The following PCLO variants were observed in gnomAD, a reference collection of about 807,000 sequenced individuals.
The protein encoded by PCLO is protein piccolo.
A neutral mutation model predicts 427.5 loss-of-function variants in PCLO; 82 were observed. The ratio of observed to expected loss-of-function variants is 0.19; its 90% confidence interval spans 0.16 to 0.23. PCLO has a LOEUF of 0.23. PCLO is among the 10% of genes least tolerant of loss of function. The probability of loss-of-function intolerance (pLI) is 1.00; values close to 1 mark genes in which losing one functional copy is unlikely to be tolerated. For missense variants in PCLO, 6,239 were observed against 6,115.9 expected, an observed-to-expected ratio of 1.02 and a Z score of -0.67; for synonymous variants, 2,357 against 2,155.4, an observed-to-expected ratio of 1.09 and a Z score of -2.59.
chr7:82,966,565 T>C, intron 3 of PCLO, 78 bp from the exon 4 acceptor site: 5 of 911,932 alleles, frequency 5.5e-6, no homozygotes, highest in Non-Finnish European at 7.8e-6. Context: ...AAAGTGAAAA[T>C]TTGGCAATTC....
intron 3 of PCLO, among the ~76,000 whole-genome samples, chr7:83,031,304 G>C (rs577995319): frequency 2.6e-5 from 4 of 152,100 alleles, no homozygotes; most frequent in Non-Finnish European, 4.4e-5. Flanking sequence ...AATAGGCAAC[G>C]GTACTTTTCC....
intron 9 of PCLO, among the ~76,000 whole-genome samples, chr7:82,897,825 A>G (rs1793943403): frequency 6.6e-6 from 1 of 151,396 alleles, no homozygotes; most frequent in Non-Finnish European, 1.5e-5. Context: ...AAAACATTTC[A>G]CTGCAGATAT....
chr7:82,795,591 G>C (rs10247544), intron 22 of PCLO, among the ~76,000 whole-genome samples: 7,924 of 152,112 alleles, frequency 0.052, 657 homozygotes, highest in African/African-American at 0.18. Context: ...TGTTAGATTA[G>C]CTATCTGTAG....
chr7:83,143,325 T>C (rs1251248354), intron 2 of PCLO, among the ~76,000 whole-genome samples: 1 of 152,202 alleles, frequency 6.6e-6, no homozygotes, highest in Non-Finnish European at 1.5e-5. Context: ...CTATTCATAT[T>C]CATGCATAAT....
chr7:82,846,000 C>G (rs77670326), intron 12 of PCLO, among the ~76,000 whole-genome samples: 5 of 151,700 alleles, frequency 3.3e-5, no homozygotes, highest in African/African-American at 1.2e-4. Flanking sequence ...AAGTGCTCAA[C>G]AAAATTTATT....
intron 3 of PCLO, among the ~76,000 whole-genome samples, chr7:83,122,447 A>C (rs921599119): frequency 3.3e-5 from 5 of 152,080 alleles, no homozygotes; most frequent in African/African-American, 1.2e-4. Flanking sequence ...CACCACGCCC[A>C]GCTAATTTTT....
chr7:83,080,944 TATA>T (rs1052768747), intron 3 of PCLO, among the ~76,000 whole-genome samples: 17 of 151,632 alleles, frequency 1.1e-4, no homozygotes, highest in South Asian at 2.1e-4. Flanking sequence ...TAAAAATAAT[TATA>T]ATAATATACT....
intron 22 of PCLO, among the ~76,000 whole-genome samples, chr7:82,762,157 T>C (rs1790445043): frequency 6.6e-6 from 1 of 152,040 alleles, no homozygotes; most frequent in East Asian, 1.9e-4. Context: ...GATATTTTCA[T>C]CAATAAATAT....
chr7:83,025,846 G>T (rs1788480574), intron 3 of PCLO, among the ~76,000 whole-genome samples: 1 of 151,912 alleles, frequency 6.6e-6, no homozygotes, highest in Admixed American at 6.6e-5. Flanking sequence ...TTCATATCCA[G>T]CCAAACTAAG....
chr7:83,124,176 G>C (rs1001852121), intron 3 of PCLO, among the ~76,000 whole-genome samples: 43 of 151,370 alleles, frequency 2.8e-4, no homozygotes, highest in African/African-American at 9.7e-4. Context: ...AATTAGCCGG[G>C]TGCAGTGGCG....
In PCLO at chr7:82,952,431, T is replaced by C. The variant is rs751293405; in HGVS notation, c.8522A>G (p.Asp2841Gly). The change falls in exon 5 of 25, where the codon GAC (aspartate) becomes GGC (glycine). Residue 2841 changes from aspartate (D) to glycine (G), a missense_variant. Physicochemically the swap from Asp to Gly is moderately conservative, Grantham distance 94 (BLOSUM62 -1). Around this residue, in one of 5 missense-constraint regions of PCLO, gnomAD observed 4,677 missense variants for 4,468.4 expected, o/e 1.05. Transcript: ENST00000333891. ...TTCCCTAGCTATAGGAAAGACCTGG[T>C]CACTTGGTATCCTGTATGGGGGCTC... ...HAEPPYRIPS[D>G]QVFPIAREEA... 1 of 1,613,888 alleles carries C rather than the reference T, an allele frequency of 6.2e-7. No individual in the cohort carries two copies. The highest frequency in any genetic ancestry group is 8.5e-7 in the Non-Finnish European group (1 of 1,179,830).
chr7:83,050,061 C>T (rs916027261), intron 3 of PCLO, among the ~76,000 whole-genome samples: 2 of 150,918 alleles, frequency 1.3e-5, no homozygotes, highest in East Asian at 1.9e-4. Context: ...CCTCTGTTCT[C>T]GGTGTACCAA....
At chr7:82,959,939 G>A (rs1036439894) in intron 4 of PCLO, among the ~76,000 whole-genome samples, 3 of 152,132 alleles carry the variant, frequency 2.0e-5, no homozygotes, top group Non-Finnish European at 4.4e-5. Context: ...GACGATCGGA[G>A]CCCCATTTGG....
At position 83,162,339 on chromosome 7, in the gene PCLO, G is replaced by A. The variant is rs769573306; in HGVS notation, c.248+6C>T. 4.4e-6 allele frequency: 7 copies of A among 1,594,466 alleles called. No individual in the cohort carries two copies. Among genetic ancestry groups the A allele is most frequent in the Non-Finnish European group, 5.1e-6 (6 of 1,171,184 alleles). On this transcript the variant is annotated splice_donor_region_variant and intron_variant, in intron 1 of 24. Coordinates refer to ENST00000333891, the MANE Select transcript of PCLO (RefSeq NM_033026.6). ...TGCCCGGACATATACATCATGCTGT[G>A]CATGCCTGTGCATGGAAGGCGACTC...
intron 9 of PCLO, among the ~76,000 whole-genome samples, chr7:82,893,391 G>A (rs1793820324): frequency 6.6e-6 from 1 of 152,122 alleles, no homozygotes; most frequent in Middle Eastern, 3.4e-3. Context: ...CATGGACACA[G>A]GGCAGGGAAC....
At chr7:82,828,359 A>G (rs1792005362) in intron 16 of PCLO, among the ~76,000 whole-genome samples, 1 of 152,152 alleles carries the variant, frequency 6.6e-6, no homozygotes, top group East Asian at 1.9e-4. Flanking sequence ...CGGAAAAGCA[A>G]AACTAAAACA....
At chr7:83,098,464 G>A (rs1790650200) in intron 3 of PCLO, among the ~76,000 whole-genome samples, 1 of 152,100 alleles carries the variant, frequency 6.6e-6, no homozygotes, top group South Asian at 2.1e-4. Flanking sequence ...GGAGCTTACA[G>A]TCTCGATAAC....
chr7:82,867,751 G>A (rs1214328009), intron 10 of PCLO, among the ~76,000 whole-genome samples: 2 of 152,020 alleles, frequency 1.3e-5, no homozygotes, highest in African/African-American at 2.4e-5. Flanking sequence ...ACATAAAACA[G>A]GACATTATTT....
At chr7:82,878,356 GT>G (rs1793424420) in intron 10 of PCLO, among the ~76,000 whole-genome samples, 1 of 152,084 alleles carries the variant, frequency 6.6e-6, no homozygotes, top group Admixed American at 6.6e-5. Flanking sequence ...CATGATTAAA[GT>G]TTTTAAGCAA....
Sources: gnomAD v4.1 joint callset for allele counts (sites outside exome capture counted in the v4.1 genomes callset) on GRCh38, gnomAD v4.1.1 for gene constraint, gnomAD v4.1.1 regional missense constraint, MANE v1.5 for transcripts, NCBI Gene and HGNC (gene_info 2026-07-23, HGNC 2026-07-21) for gene names.